The following BLNK variants were observed in gnomAD, a reference collection of about 807,000 sequenced individuals.
BLNK encodes B cell linker.
A neutral mutation model predicts 73.5 loss-of-function variants in BLNK; 29 were observed. The observed-to-expected ratio is 0.39, with a 90% CI of 0.29 to 0.54. The LOEUF is 0.54. Among genes scored for constraint, BLNK ranks in the 20% least tolerant of loss-of-function variants. BLNK has a pLI of 0.61. For synonymous variants in BLNK, 176 were observed against 200.8 expected (o/e 0.88, Z 1.04); for missense variants, 460 against 562.8 (o/e 0.82, Z 1.85).
chr10:96,257,406 A>G (rs782767708), intron 1 of BLNK, among the ~76,000 whole-genome samples: 50 of 152,200 alleles, frequency 3.3e-4, no homozygotes, highest in Non-Finnish European at 5.7e-4. Flanking sequence ...AGCTCGTGAC[A>G]GCGTGGTACC....
intron 1 of BLNK, among the ~76,000 whole-genome samples, chr10:96,256,054 A>C (rs757597079): frequency 6.6e-6 from 1 of 152,208 alleles, no homozygotes; most frequent in Non-Finnish European, 1.5e-5. Context: ...GAAAAGGGCC[A>C]GGCGTGGTGG....
At chr10:96,195,390 C>A (rs1478179797) in intron 16 of BLNK, among the ~76,000 whole-genome samples, 1 of 152,114 alleles carries the variant, frequency 6.6e-6, no homozygotes, top group Admixed American at 6.5e-5. Context: ...TTCACAATAG[C>A]CAAGAGGTAG....
intron 16 of BLNK, among the ~76,000 whole-genome samples, chr10:96,194,768 ATT>A (rs71034364): frequency 1.9e-4 from 21 of 110,274 alleles, no homozygotes; most frequent in Admixed American, 3.3e-4. Context: ...AGAAATGCAA[ATT>A]TTTTTTTTTT....
chr10:96,267,326 A>G (rs1251590799), intron 1 of BLNK, among the ~76,000 whole-genome samples: 1 of 152,214 alleles, frequency 6.6e-6, no homozygotes, highest in Non-Finnish European at 1.5e-5. Context: ...GAAGAGCCAT[A>G]AAGAAAACCT....
chr10:96,199,819 T>G, intron 15 of BLNK: 1 of 240,202 alleles, frequency 4.2e-6, no homozygotes, highest in South Asian at 6.1e-5. Flanking sequence ...AGGTCAGGAG[T>G]TCGAGAGCAG....
intron 1 of BLNK, among the ~76,000 whole-genome samples, chr10:96,259,670 C>CTTTTTTTTTTT (rs57821919): frequency 1.1e-4 from 5 of 44,866 alleles, no homozygotes; most frequent in African/African-American, 3.9e-4. Flanking sequence ...CACACCCTAC[C>CTTTTTTTTTTT]TTTTTTTTTT....
chr10:96,211,477 T>A (rs1215448089), intron 8 of BLNK, among the ~76,000 whole-genome samples: 1 of 152,108 alleles, frequency 6.6e-6, no homozygotes, highest in African/African-American at 2.4e-5. Flanking sequence ...CAAAAAGTAT[T>A]GAAATAGAGT....
rs185927824 is a variant in BLNK at position 96,193,547 on chromosome 10, G to A, written c.1252-1455C>T. Among the ~76,000 whole-genome samples, 5 of 152,284 alleles carry A rather than the reference G, an allele frequency of 3.3e-5. No individual in the cohort carries two copies. The East Asian group carries it at 7.7e-4, about 23-fold the overall frequency. On this transcript the variant is annotated intron_variant, in intron 16 of 16. Coordinates refer to ENST00000224337, the MANE Select transcript of BLNK (RefSeq NM_013314.4). Reference sequence around the variant, plus strand: ...TGAAACATTTGAAGTAGGGAATGAAGTTGAAGAATATTTGTGATTTAATTT... The same window carrying A: ...TGAAACATTTGAAGTAGGGAATGAAATTGAAGAATATTTGTGATTTAATTT...
chr10:96,193,719 G>A (rs2083386714), intron 16 of BLNK, among the ~76,000 whole-genome samples: 1 of 152,200 alleles, frequency 6.6e-6, no homozygotes, highest in African/African-American at 2.4e-5. Flanking sequence ...AAAGCAGACA[G>A]TTGTCAAAAC....
intron 12 of BLNK, 156 bp from the exon 13 acceptor site, chr10:96,204,244 C>T: frequency 1.2e-6 from 1 of 854,278 alleles, no homozygotes; most frequent in Non-Finnish European, 1.9e-6. Context: ...GCCACCAAAA[C>T]CTTAAAGATA....
chr10:96,209,488 G>T (rs1391171283), intron 9 of BLNK, among the ~76,000 whole-genome samples: 1 of 152,154 alleles, frequency 6.6e-6, no homozygotes, highest in East Asian at 1.9e-4. Flanking sequence ...ACCTGCAGAG[G>T]TTCAAGTGAT....
chr10:96,204,505 CTGATCTT>C lies in BLNK; in HGVS notation c.902+20_902+26del. On this transcript the variant is annotated intron_variant, in intron 12 of 16. Transcript: ENST00000224337. ...TAATTCCTGCAGCAACAAGAGGAAA[CTGATCTT>C]TAAAGGAAAGGATTCTTACTTCTGG... 6.2e-7 allele frequency: 1 copy of C among 1,608,870 alleles called. No homozygotes were observed.
intron 1 of BLNK, among the ~76,000 whole-genome samples, chr10:96,249,467 G>C (rs1843186338): frequency 6.6e-6 from 1 of 152,244 alleles, no homozygotes; most frequent in African/African-American, 2.4e-5. Flanking sequence ...CAGCCATGCT[G>C]GTGCTCTGCT....
intron 8 of BLNK, among the ~76,000 whole-genome samples, chr10:96,213,920 C>G (rs1554899216): frequency 6.6e-6 from 1 of 152,132 alleles, no homozygotes; most frequent in African/African-American, 2.4e-5. Context: ...GCTCCACTCC[C>G]CACTTATAAA....
chr10:96,259,431 C>T (rs1291627916), intron 1 of BLNK, among the ~76,000 whole-genome samples: 1 of 152,062 alleles, frequency 6.6e-6, no homozygotes. Context: ...GGTAGCGGCC[C>T]TCTGGGGTCT....
intron 8 of BLNK, among the ~76,000 whole-genome samples, chr10:96,211,270 C>T (rs899328125): frequency 7.2e-5 from 11 of 152,144 alleles, no homozygotes; most frequent in African/African-American, 2.2e-4. Flanking sequence ...GATAAGCACA[C>T]ATTGAAATAA....
intron 1 of BLNK, among the ~76,000 whole-genome samples, chr10:96,248,163 A>G (rs1239622190): frequency 6.6e-6 from 1 of 152,244 alleles, no homozygotes; most frequent in Non-Finnish European, 1.5e-5. Context: ...TGCAACATAT[A>G]GTAATAATAA....
intron 6 of BLNK, among the ~76,000 whole-genome samples, chr10:96,220,972 AT>A (rs1455281916): frequency 6.6e-6 from 1 of 152,206 alleles, no homozygotes; most frequent in African/African-American, 2.4e-5. Flanking sequence ...AGCCGGAGTC[AT>A]TTTGATTAGC....
intron 1 of BLNK, among the ~76,000 whole-genome samples, chr10:96,248,514 T>C (rs1268894205): frequency 1.3e-5 from 2 of 152,194 alleles, no homozygotes; most frequent in Non-Finnish European, 2.9e-5. Context: ...AGAAAGTAAA[T>C]TGTTACAATC....
Sources: gnomAD v4.1 joint callset for allele counts (sites outside exome capture counted in the v4.1 genomes callset) on GRCh38, gnomAD v4.1.1 for gene constraint, MANE v1.5 for transcripts, NCBI Gene and HGNC (gene_info 2026-07-23, HGNC 2026-07-21) for gene names.